Variants in TENM1 observed in about 807,000 individuals in gnomAD.
The protein encoded by TENM1 is teneurin-1.
TENM1 carries 35 observed loss-of-function variants against 174.8 expected under a neutral mutation model. The ratio of observed to expected loss-of-function variants is 0.20; its 90% CI spans 0.15 to 0.27. The LOEUF (loss-of-function observed/expected upper bound fraction) is 0.27, where lower values mean the gene tolerates loss of function less well. Ranked by LOEUF, TENM1 falls within the 10% of genes least tolerant of loss-of-function variation. The pLI, the probability that TENM1 is intolerant of heterozygous loss-of-function variation, is 1.00. For missense variants in TENM1, 1,633 were observed against 2,130.1 expected (o/e 0.77, Z 4.59); for synonymous variants, 781 against 798.7 (o/e 0.98, Z 0.37).
chrX:124,473,127 C>T (rs2061353830), intron 22 of TENM1, among the ~76,000 whole-genome samples: 1 of 111,648 alleles, frequency 9.0e-6, no homozygotes, highest in African/African-American at 3.3e-5. Flanking sequence ...TCTCATAAAA[C>T]TTTCAATAGG....
rs777330824 is a variant in TENM1, at chrX:124,474,697, G to A, written c.3949+7035C>T. On this transcript the variant is annotated intron_variant, in intron 22 of 31. Coordinates refer to ENST00000422452, the Ensembl canonical transcript of TENM1. Reference sequence around the variant, plus strand: ...CTTTGGGATTGCAACAGAACAGGCCGGAAGGTCCTCAAGTTCCAGTTGCTG... The same window carrying A: ...CTTTGGGATTGCAACAGAACAGGCCAGAAGGTCCTCAAGTTCCAGTTGCTG... 9.8e-5 allele frequency among the ~76,000 whole-genome samples: 11 copies of A among 111,829 alleles called. No homozygotes were observed. In the South Asian group the frequency reaches 1.5e-3, roughly 15 times the overall value.
intron 1 of TENM1, among the ~76,000 whole-genome samples, chrX:124,959,412 A>G (rs2058623466): frequency 9.0e-6 from 1 of 111,516 alleles, no homozygotes; most frequent in Admixed American, 9.5e-5. Flanking sequence ...CTGGCTAAAA[A>G]TATAAATTGG....
Position 124,712,602 on chromosome X carries a change from C to T in TENM1, c.777-7351G>A, listed in dbSNP as rs140025481. On this transcript the variant is annotated intron_variant, in intron 4 of 31. Transcript: ENST00000422452. The stretch of plus-strand genomic sequence containing the variant: ...GTTCAGGTGATTCTCCTGCTTCAGA[C>T]TCCTGAGTAGCTGGGACTACAGGCG... Among the ~76,000 whole-genome samples, 586 of 110,731 alleles carry T rather than the reference C, an allele frequency of 5.3e-3. 4 individuals carry two copies. Among genetic ancestry groups the T allele is most frequent in the African/African-American group, 0.018 (551 of 30,358 alleles).
At chrX:124,626,678 A>C (rs1384040828) in intron 11 of TENM1, among the ~76,000 whole-genome samples, 1 of 112,199 alleles carries the variant, frequency 8.9e-6, no homozygotes, top group South Asian at 3.7e-4. Flanking sequence ...TGGTAGAGTT[A>C]ATCATTCCTT....
At chrX:124,760,105 G>C (rs1434991358) in intron 3 of TENM1, among the ~76,000 whole-genome samples, 2 of 111,948 alleles carry the variant, frequency 1.8e-5, no homozygotes, top group Non-Finnish European at 3.8e-5. Flanking sequence ...CCCATTTGCA[G>C]TGGGGAGGAG....
chrX:124,570,705 T>G (rs771184079), intron 11 of TENM1, among the ~76,000 whole-genome samples: 28 of 112,023 alleles, frequency 2.5e-4, no homozygotes, highest in African/African-American at 6.4e-4. Flanking sequence ...AAGGAAATTT[T>G]AAGTTAACTT....
chrX:124,874,084 T>C (rs926092322), intron 3 of TENM1, among the ~76,000 whole-genome samples: 1 of 111,714 alleles, frequency 9.0e-6, no homozygotes, highest in Non-Finnish European at 1.9e-5. Flanking sequence ...CAGTGCTAAG[T>C]GAATATCTTC....
intron 11 of TENM1, among the ~76,000 whole-genome samples, chrX:124,630,881 T>A (rs911236442): frequency 8.9e-6 from 1 of 112,274 alleles, no homozygotes; most frequent in Non-Finnish European, 1.9e-5. Context: ...AGGTTTCATG[T>A]GGGTTTAGGG....
chrX:124,577,047 A>C (rs2858420), intron 11 of TENM1, among the ~76,000 whole-genome samples: 28,309 of 111,266 alleles, frequency 0.25, 2,733 homozygotes, highest in South Asian at 0.42. Flanking sequence ...ACACTTCACG[A>C]AGACTAAAAG....
Position 124,810,052 on chromosome X carries a change from C to T in TENM1, c.536-72855G>A, listed in dbSNP as rs751999971. 2.6e-4 allele frequency among the ~76,000 whole-genome samples: 29 copies of T among 111,019 alleles called. No homozygotes were observed. In the East Asian group the frequency reaches 7.1e-3, roughly 27 times the overall value. The stretch of plus-strand genomic sequence containing the variant: ...ATTTGGGTGGGGACACACAGCCAAA[C>T]CATTTCAGTACCTCAACAGAAGAAA... On this transcript the variant is annotated intron_variant, in intron 3 of 31. Transcript: ENST00000422452.
chrX:125,190,810 GATA>G, the TENM1 span, among the ~76,000 whole-genome samples: 2 of 110,740 alleles, frequency 1.8e-5, no homozygotes, highest in Admixed American at 1.9e-4. Flanking sequence ...GGAAAATACA[GATA>G]ATAAAGGAAA....
intron 27 of TENM1, among the ~76,000 whole-genome samples, chrX:124,399,289 A>G (rs142179846): frequency 0.01 from 1,154 of 112,221 alleles, 20 homozygotes; most frequent in African/African-American, 0.036. Flanking sequence ...AAATGAGTTA[A>G]TATGTGGCAG....
chrX:124,387,386 T>C (rs2060232191), intron 28 of TENM1, among the ~76,000 whole-genome samples: 1 of 111,623 alleles, frequency 9.0e-6, no homozygotes, highest in South Asian at 3.8e-4. Flanking sequence ...ATCTCATCTT[T>C]TAATAAAAAT....
the TENM1 span, among the ~76,000 whole-genome samples, chrX:125,086,041 A>G: frequency 9.0e-6 from 1 of 111,019 alleles, no homozygotes; most frequent in South Asian, 3.7e-4. Context: ...AAACTCTAAC[A>G]TGAGATTTTA....
At chrX:125,180,644 C>T in the TENM1 span, among the ~76,000 whole-genome samples, 2 of 110,861 alleles carry the variant, frequency 1.8e-5, no homozygotes, top group Non-Finnish European at 3.8e-5. Context: ...TCAAATTTCA[C>T]AAGCAACATT....
At chrX:124,865,842 A>G (rs1375660477) in intron 3 of TENM1, among the ~76,000 whole-genome samples, 1 of 112,074 alleles carries the variant, frequency 8.9e-6, no homozygotes, top group Non-Finnish European at 1.9e-5. Flanking sequence ...AAAACCAAAA[A>G]AAAGAGCAGG....
At chrX:124,845,682 C>A (rs193013201) in intron 3 of TENM1, among the ~76,000 whole-genome samples, 1 of 110,289 alleles carries the variant, frequency 9.1e-6, no homozygotes, top group African/African-American at 3.3e-5. Context: ...GACCTTAGAG[C>A]AAAGCAAGGA....
the TENM1 span, among the ~76,000 whole-genome samples, chrX:125,098,690 C>G: frequency 1.8e-5 from 2 of 111,756 alleles, no homozygotes; most frequent in Non-Finnish European, 3.8e-5. Context: ...GCTTAAGTTG[C>G]GGGCTTGTTC....
intron 4 of TENM1, among the ~76,000 whole-genome samples, chrX:124,710,604 A>C (rs2053024077): frequency 8.9e-6 from 1 of 112,210 alleles, no homozygotes; most frequent in Non-Finnish European, 1.9e-5. Context: ...ATGCAGTTTC[A>C]TAAGTAAAAT....
Sources: allele counts gnomAD v4.1 joint callset (sites outside exome capture counted in the v4.1 genomes callset), GRCh38; gene constraint gnomAD v4.1.1; transcripts MANE v1.5; gene names NCBI Gene and HGNC (gene_info 2026-07-23, HGNC 2026-07-21).